The following SCAF1 variants were observed in gnomAD, a reference collection of about 807,000 sequenced individuals.
SCAF1 encodes the protein splicing factor, arginine/serine-rich 19.
Under a neutral mutation model 91.2 loss-of-function variants are expected in SCAF1, and 28 were observed. The observed-to-expected ratio is 0.31, with a 90% CI of 0.23 to 0.42. The LOEUF is 0.42. Among genes scored for constraint, SCAF1 ranks in the 10% least tolerant of loss-of-function variants. The pLI, the probability that SCAF1 is intolerant of heterozygous loss-of-function variation, is 1.00. For missense variants in SCAF1, 1,893 were observed against 1,872.1 expected (o/e 1.01, Z -0.21); for synonymous variants, 1,036 against 833.7 (o/e 1.24, Z -4.18).
rs1035583451 is a variant in SCAF1 at position 49,651,790 on chromosome 19, T to C, written c.1401T>C (p.Ala467=). ...TGCAGGTGGACCTAGGGGAGCCGGC[T>C]CCCGCGCCGCCCGCCGCCGACTCGC... ...GALQVDLGEP[A]PAPPAADSRW... is the part of the protein sequence containing the mutation. The change falls in exon 7 of 11, where the codon GCT becomes GCC. Residue 467 remains alanine, a synonymous_variant. Transcript: ENST00000360565. 145 of 1,220,802 alleles carry C rather than the reference T, an allele frequency of 1.2e-4. No homozygotes were observed. Among genetic ancestry groups the C allele is most frequent in the East Asian group, 6.2e-4 (15 of 24,004 alleles). 75.6% of individuals were successfully genotyped at this position (1,220,802 alleles called of 1,614,324 possible). A position where few individuals can be genotyped will look rare whatever the true frequency, so the allele number is the denominator to read the frequency against.
At chr19:49,643,109 C>T (rs2081036467) in intron 1 of SCAF1, among the ~76,000 whole-genome samples, 1 of 152,206 alleles carries the variant, frequency 6.6e-6, no homozygotes, top group Non-Finnish European at 1.5e-5. Context: ...CTTAGATATA[C>T]TTGCCCTTCA....
rs200792397 is a variant in SCAF1 at position 49,646,495 on chromosome 19, G to A, written c.262-31G>A. The A allele has an allele frequency of 3.6e-3, 5,697 of 1,590,880 alleles. 17 individuals carry two copies. The highest frequency in any genetic ancestry group is 4.3e-3 in the Non-Finnish European group (4,971 of 1,159,378). ...ATTTGCCAGTCTTCATGTGACCAGG[G>A]ACGGCGTAGAGCCTCTCTGGCCTCT... On this transcript the variant is annotated intron_variant, in intron 4 of 10. Coordinates refer to ENST00000360565, the MANE Select transcript of SCAF1 (RefSeq NM_021228.3). This position sits in a 1 kb window ranked among gnomAD's most constrained non-coding sequence, Gnocchi z 5.6.
chr19:49,653,625 C>T lies in SCAF1; in HGVS notation c.3236C>T (p.Ser1079Phe), dbSNP rs2064165548. 3.8e-6 allele frequency: 6 copies of T among 1,587,976 alleles called. No homozygotes were observed. In the Admixed American group the frequency reaches 6.9e-5, roughly 18 times the overall value. Residue 1079 changes from serine to phenylalanine, a missense_variant, in exon 7 of 11, where the codon TCC becomes TTC. Physicochemically the swap from Ser to Phe is radical, Grantham distance 155. Around this residue, in one of 5 missense-constraint regions of SCAF1, gnomAD observed 1,436 missense variants for 1,306.8 expected, o/e 1.10. Coordinates refer to ENST00000360565, the MANE Select transcript of SCAF1 (RefSeq NM_021228.3). ...GAGGACGGGCCAGCTTCCCGTGTCT[C>T]CCAGCTGCCCACGTTGCCCCCGCCC... ...GAEDGPASRVSQLPTLPPPMP... is the reference protein window; with the variant it reads ...GAEDGPASRVFQLPTLPPPMP...
rs561053308 is a variant in SCAF1 at position 49,647,040 on chromosome 19, G to A, written c.478+210G>A. 6.6e-5 allele frequency among the ~76,000 whole-genome samples: 10 copies of A among 152,384 alleles called. No individual in the cohort carries two copies. The East Asian group carries it at 1.9e-3, about 29-fold the overall frequency. ...GGCTATGTGGGAGTGGTCAGCGTGT[G>A]TGACAACTGGTTTCGGCACGCTAAG... is the stretch of plus-strand genomic sequence containing the variant. On this transcript the variant is annotated intron_variant, in intron 6 of 10. Transcript: ENST00000360565.
In SCAF1 at chr19:49,658,461, C is replaced by T. The variant is rs965678207; in HGVS notation, c.*62C>T. Reference sequence around the variant, plus strand: ...AACTCTGGACGTATTTATGGCTCCACCTCCCCACCTCCCTCCCCCGTCAGT... The same window carrying T: ...AACTCTGGACGTATTTATGGCTCCATCTCCCCACCTCCCTCCCCCGTCAGT... On this transcript the variant is annotated 3_prime_UTR_variant, in exon 11 of 11. Coordinates refer to ENST00000360565, the MANE Select transcript of SCAF1 (RefSeq NM_021228.3). The T allele has an allele frequency of 4.7e-6, 4 of 850,956 alleles. No homozygotes were observed. Among genetic ancestry groups the T allele is most frequent in the Non-Finnish European group, 7.2e-6 (4 of 554,050 alleles). 52.7% of individuals were successfully genotyped at this position (850,956 alleles called of 1,614,324 possible). A position where few individuals can be genotyped will look rare whatever the true frequency, so the allele number is the denominator to read the frequency against.
rs1303646470 is a variant in SCAF1, at chr19:49,646,671, G to C, written c.363-44G>C. 3 of 1,612,526 alleles carry C rather than the reference G, an allele frequency of 1.9e-6. No homozygotes were observed. The highest frequency in any genetic ancestry group is 2.5e-6 in the Non-Finnish European group (3 of 1,178,740). On this transcript the variant is annotated intron_variant, in intron 5 of 10. Coordinates refer to ENST00000360565, the MANE Select transcript of SCAF1 (RefSeq NM_021228.3). The surrounding 1 kb of genome is among the most constrained non-coding windows in gnomAD (Gnocchi z 5.6). The stretch of plus-strand genomic sequence containing the variant: ...GAGTGGGAGAGGCCTCAGCGTGAGA[G>C]CCAGAAGCACCCCTGAGGCTCACCC...
intron 9 of SCAF1, among the ~76,000 whole-genome samples, chr19:49,656,455 T>C (rs1162437741): frequency 6.6e-6 from 1 of 152,202 alleles, no homozygotes; most frequent in African/African-American, 2.4e-5. Flanking sequence ...GCCCCTACTT[T>C]GATAGTCACC....
chr19:49,651,889 C>A lies in SCAF1; in HGVS notation c.1500C>A (p.Ser500=). 8.4e-7 allele frequency: 1 copy of A among 1,186,240 alleles called. No individual in the cohort carries two copies. The allele number at this position is 1,186,240 out of a possible 1,614,324, so 73.5% of individuals were successfully genotyped here. The part of the protein sequence containing the change: ...RRERYRQRSP[S]PAPAPAPAAA... ...AGCGCTACCGCCAGCGCTCGCCCTC[C>A]CCGGCGCCCGCGCCCGCCCCGGCCG... The change falls in exon 7 of 11, where the codon TCC becomes TCA. Residue 500 remains serine, a synonymous_variant. Coordinates refer to ENST00000360565, the MANE Select transcript of SCAF1 (RefSeq NM_021228.3).
rs1202952009 is a variant in SCAF1 at position 49,645,556 on chromosome 19, C to T, written c.166+145C>T. ...CCAAAAATGGGCAGACACCCTGTAGCTGCCTTGGAAGGGCCTAGTGTGCAG... is the reference window on the plus strand; with the variant it reads ...CCAAAAATGGGCAGACACCCTGTAGTTGCCTTGGAAGGGCCTAGTGTGCAG... On this transcript the variant is annotated intron_variant, in intron 3 of 10. Coordinates refer to ENST00000360565, the MANE Select transcript of SCAF1 (RefSeq NM_021228.3). The surrounding 1 kb of genome is among the most constrained non-coding windows in gnomAD (Gnocchi z 4.6). 5.2e-6 allele frequency: 4 copies of T among 772,816 alleles called. No homozygotes were observed. Among genetic ancestry groups the T allele is most frequent in the Non-Finnish European group, 8.4e-6 (4 of 477,436 alleles). The allele number at this position is 772,816 out of a possible 1,614,324, so 47.9% of individuals were successfully genotyped here.
In SCAF1 at chr19:49,651,037, A is replaced by G; in HGVS notation, c.648A>G (p.Ala216=). ...CTCCCCCACCCCCACCGCCCCCTGC[A>G]CCCCCAGCCCCACCTGCCCCCCGAT... ...PSPPPPPPPP[A]PPAPPAPRFD... is the part of the protein sequence containing the mutation. The change falls in exon 7 of 11, where the codon GCA becomes GCG. Residue 216 remains alanine (A), a synonymous_variant. Coordinates refer to ENST00000360565, the MANE Select transcript of SCAF1 (RefSeq NM_021228.3). 1 of 96,042 alleles carries G rather than the reference A, an allele frequency of 1.0e-5. No individual in the cohort carries two copies. The highest frequency in any genetic ancestry group is 1.6e-5 in the Non-Finnish European group (1 of 60,964). 5.9% of individuals were successfully genotyped at this position (96,042 alleles called of 1,614,324 possible). A position where few individuals can be genotyped will look rare whatever the true frequency, so the allele number is the denominator to read the frequency against.
chr19:49,652,224 C>G lies in SCAF1; in HGVS notation c.1835C>G (p.Ser612Cys). 1 of 1,350,072 alleles carries G rather than the reference C, an allele frequency of 7.4e-7. No individual in the cohort carries two copies. Among genetic ancestry groups the G allele is most frequent in the South Asian group, 1.7e-5 (1 of 57,708 alleles). The allele number at this position is 1,350,072 out of a possible 1,614,324, so 83.6% of individuals were successfully genotyped here. A position where few individuals can be genotyped will look rare whatever the true frequency, so the allele number is the denominator to read the frequency against. ...SREKRRRRRR[S>C]ASPPPATSSS... is the part of the protein sequence containing the mutation. ...GAGAAGCGGCGACGGCGGCGGCGCT[C>G]CGCCTCCCCGCCCCCGGCCACTTCC... The change falls in exon 7 of 11, where the codon TCC (serine) becomes TGC (cysteine). Residue 612 changes from serine (S) to cysteine (C), a missense_variant. Ser to Cys is a moderately radical substitution (Grantham distance 112). Around this residue, in one of 5 missense-constraint regions of SCAF1, gnomAD observed 1,436 missense variants for 1,306.8 expected, o/e 1.10. Transcript: ENST00000360565.
Position 49,651,389 on chromosome 19 carries a change from G to A in SCAF1, c.1000G>A (p.Gly334Arg). The change falls in exon 7 of 11, where the codon GGA becomes AGA. Residue 334 changes from glycine to arginine, a missense_variant. Around this residue, in one of 5 missense-constraint regions of SCAF1, gnomAD observed 1,436 missense variants for 1,306.8 expected, o/e 1.10. Coordinates refer to ENST00000360565, the MANE Select transcript of SCAF1 (RefSeq NM_021228.3). ...GCCCACACAGCCGACTCCCGCCCCT[G>A]GAACGCCGCCCCAGGTGGACTCCAC... is the stretch of plus-strand genomic sequence containing the variant. ...AQPTQPTPAP[G>R]TPPQVDSTRA... The A allele has an allele frequency of 6.2e-7, 1 of 1,607,658 alleles. No homozygotes were observed. Among genetic ancestry groups the A allele is most frequent in the Non-Finnish European group, 8.5e-7 (1 of 1,179,018 alleles).
Position 49,652,130 on chromosome 19 carries a change from C to G in SCAF1, c.1741C>G (p.Arg581Gly). Residue 581 changes from arginine to glycine, a missense_variant, in exon 7 of 11, where the codon CGC (arginine) becomes GGC (glycine). Arg to Gly is a moderately radical substitution (Grantham distance 125). Around this residue, in one of 5 missense-constraint regions of SCAF1, gnomAD observed 1,436 missense variants for 1,306.8 expected, o/e 1.10. Transcript: ENST00000360565. ...RRRSRSRSRS[R>G]STRRRSRSTD... ...CCGCTCCCGCTCCCGCTCCCGCTCC[C>G]GCTCCACCCGCCGCCGCTCGCGCAG... is the stretch of plus-strand genomic sequence containing the variant. 1.0e-6 allele frequency: 1 copy of G among 984,910 alleles called. No homozygotes were observed. Among genetic ancestry groups the G allele is most frequent in the Non-Finnish European group, 1.2e-6 (1 of 815,342 alleles). 61.0% of individuals were successfully genotyped at this position (984,910 alleles called of 1,614,324 possible).
In SCAF1 at chr19:49,653,275, T is replaced by A. The variant is rs1456617365; in HGVS notation, c.2886T>A (p.Thr962=). 2.7e-6 allele frequency: 4 copies of A among 1,472,412 alleles called. No individual in the cohort carries two copies. The Admixed American group carries it at 1.0e-4, about 38-fold the overall frequency. The allele number at this position is 1,472,412 out of a possible 1,614,324, so 91.2% of individuals were successfully genotyped here. The part of the protein sequence containing the change: ...QAAGTKGAEE[T]SWSGEERAAK... ...CAGGCACCAAGGGGGCGGAGGAGAC[T>A]TCCTGGTCCGGGGAGGAGCGGGCAG... is the stretch of plus-strand genomic sequence containing the variant. Residue 962 remains threonine, a synonymous_variant, in exon 7 of 11, where the codon ACT becomes ACA. Transcript: ENST00000360565.
Position 49,652,113 on chromosome 19 carries a change from G to C in SCAF1, c.1724G>C (p.Arg575Pro), listed in dbSNP as rs1459834925. ...TCGTCGTCCGCCCGCCGCCGCTCCCGCTCCCGCTCCCGCTCCCGCTCCACC... is the reference window on the plus strand; with the variant it reads ...TCGTCGTCCGCCCGCCGCCGCTCCCCCTCCCGCTCCCGCTCCCGCTCCACC... ...HASSSARRRS[R>P]SRSRSRSTRR... The change falls in exon 7 of 11, where the codon CGC becomes CCC. Residue 575 changes from arginine to proline, a missense_variant. Around this residue, in one of 5 missense-constraint regions of SCAF1, gnomAD observed 1,436 missense variants for 1,306.8 expected, o/e 1.10. Coordinates refer to ENST00000360565, the MANE Select transcript of SCAF1 (RefSeq NM_021228.3). The C allele has an allele frequency of 1.9e-6, 2 of 1,079,440 alleles. No individual in the cohort carries two copies. Among genetic ancestry groups the C allele is most frequent in the Non-Finnish European group, 2.3e-6 (2 of 881,474 alleles). The allele number at this position is 1,079,440 out of a possible 1,614,324, so 66.9% of individuals were successfully genotyped here. A position where few individuals can be genotyped will look rare whatever the true frequency, so the allele number is the denominator to read the frequency against.
chr19:49,654,455 C>T (rs773191954), intron 8 of SCAF1, 24 bp downstream of exon 8: 1 of 1,602,230 alleles, frequency 6.2e-7, no homozygotes, highest in East Asian at 2.2e-5. Context: ...GGGGAGAGTC[C>T]CTGCCGCCCC....
In SCAF1 at chr19:49,654,888, G is replaced by C; in HGVS notation, c.3618+18G>C. On this transcript the variant is annotated intron_variant, in intron 9 of 10. Transcript: ENST00000360565. ...CAGATAAGGTGAGCTGGCCTGGGGA[G>C]AGGTGGGGCGGTGCTGACAGTTCTG... 1 of 1,539,976 alleles carries C rather than the reference G, an allele frequency of 6.5e-7. No individual in the cohort carries two copies. Among genetic ancestry groups the C allele is most frequent in the Non-Finnish European group, 8.8e-7 (1 of 1,136,848 alleles).
In SCAF1 at chr19:49,651,632, CG is replaced by C; in HGVS notation, c.1246del (p.Ala416ProfsTer48). 1 of 1,443,576 alleles carries C rather than the reference CG, an allele frequency of 6.9e-7. No homozygotes were observed. 89.4% of individuals were successfully genotyped at this position (1,443,576 alleles called of 1,614,324 possible). On this transcript the variant is annotated frameshift_variant, in exon 7 of 11. Transcript: ENST00000360565. LOFTEE classifies it high-confidence loss of function. ...GCTGTCCCTCTTCCGCCCCGGCGGC[CG>C]GGCCGCCCGGCCTACACCGGCCGCC... Reference protein sequence around the residue: ...LALSLFRPGGRAARPTPAASA... With the variant: ...LALSLFRPGGXAARPTPAASA...
Position 49,651,243 on chromosome 19 carries a change from A to G in SCAF1, c.854A>G (p.Glu285Gly), listed in dbSNP as rs1457556968. The G allele has an allele frequency of 1.2e-6, 2 of 1,612,662 alleles. No individual in the cohort carries two copies. The highest frequency in any genetic ancestry group is 1.7e-6 in the Non-Finnish European group (2 of 1,179,814). The change falls in exon 7 of 11, where the codon GAG becomes GGG. Residue 285 changes from glutamate to glycine, a missense_variant. Transcript: ENST00000360565. ...GAAGAAGAGGAAGAGGAAGACGAGG[A>G]GGAGGAGGAAGGCCTGTCCCAGAGC... Reference protein sequence around the residue: ...EEEEEEEEDEEEEEGLSQSIS... With the variant: ...EEEEEEEEDEGEEEGLSQSIS...
Sources: gnomAD v4.1 joint callset for allele counts (sites outside exome capture counted in the v4.1 genomes callset) on GRCh38, gnomAD v4.1.1 for gene constraint, gnomAD v4.1.1 regional missense constraint, Gnocchi (gnomAD v3.1) non-coding constraint, MANE v1.5 for transcripts, NCBI Gene and HGNC (gene_info 2026-07-23, HGNC 2026-07-21) for gene names.